CAMK4: variants seen among roughly 807,000 people sequenced by gnomAD.
CAMK4 encodes calcium/calmodulin-dependent protein kinase type IV.
Under a neutral mutation model 44.9 loss-of-function variants are expected in CAMK4, and 22 were observed. The ratio of observed to expected loss-of-function variants is 0.49; its 90% confidence interval spans 0.35 to 0.70. CAMK4 has a LOEUF of 0.70. Among genes scored for constraint, CAMK4 ranks in the 30% least tolerant of loss-of-function variants. The probability of loss-of-function intolerance (pLI) is 0.01; values close to 1 mark genes in which losing one functional copy is unlikely to be tolerated. For synonymous variants in CAMK4, 218 were observed against 215.4 expected (o/e 1.01, Z -0.11); for missense variants, 498 against 586.8 (o/e 0.85, Z 1.56).
At chr5:111,235,031 T>G (rs1047369139) in intron 1 of CAMK4, among the ~76,000 whole-genome samples, 2 of 152,246 alleles carry the variant, frequency 1.3e-5, no homozygotes, top group African/African-American at 4.8e-5. Flanking sequence ...TCTCCCTATT[T>G]TAGGTCTTTA....
intron 5 of CAMK4, among the ~76,000 whole-genome samples, chr5:111,408,962 CCT>C (rs1752535023): frequency 2.0e-5 from 3 of 152,160 alleles, no homozygotes; most frequent in Non-Finnish European, 4.4e-5. Flanking sequence ...GGAAGCTCTG[CCT>C]CTGTGGCTTT....
At chr5:111,356,657 A>C (rs1278155680) in intron 2 of CAMK4, among the ~76,000 whole-genome samples, 1 of 152,188 alleles carries the variant, frequency 6.6e-6, no homozygotes, top group Admixed American at 6.6e-5. Context: ...TAAGTCTTTT[A>C]TCCATCTTGA....
At chr5:111,415,685 A>G (rs1441896266) in intron 5 of CAMK4, among the ~76,000 whole-genome samples, 2 of 152,210 alleles carry the variant, frequency 1.3e-5, no homozygotes, top group Non-Finnish European at 2.9e-5. Context: ...AAGAATGATC[A>G]ATGGAATACA....
chr5:111,473,941 C>A (rs1329632978), intron 8 of CAMK4, among the ~76,000 whole-genome samples: 2 of 151,910 alleles, frequency 1.3e-5, no homozygotes, highest in Admixed American at 1.3e-4. Context: ...TATTTTAATC[C>A]CTGGTATCCC....
At chr5:111,334,903 A>T (rs1749332053) in intron 1 of CAMK4, among the ~76,000 whole-genome samples, 1 of 151,584 alleles carries the variant, frequency 6.6e-6, no homozygotes, top group African/African-American at 2.4e-5. Flanking sequence ...AACATTAGAA[A>T]AAGATAACAA....
rs984216374 is a variant in CAMK4, at chr5:111,268,122, C to T, written c.161+43478C>T. On this transcript the variant is annotated intron_variant, in intron 1 of 10. Transcript: ENST00000282356. ...AGCTTGAGGTAGGCCCTCTACTACT[C>T]ATTATTTTTACTACTGTAGATCCAT... Among the ~76,000 whole-genome samples, 4 of 152,112 alleles carry T rather than the reference C, an allele frequency of 2.6e-5. No homozygotes were observed. In the East Asian group the frequency reaches 5.8e-4, roughly 22 times the overall value.
chr5:111,275,295 C>T (rs544786049), intron 1 of CAMK4, among the ~76,000 whole-genome samples: 1 of 152,142 alleles, frequency 6.6e-6, no homozygotes, highest in South Asian at 2.1e-4. Flanking sequence ...CTCCCGAGAA[C>T]AAGACCAGAA....
intron 5 of CAMK4, among the ~76,000 whole-genome samples, chr5:111,443,470 T>A (rs997230377): frequency 1.3e-5 from 2 of 151,122 alleles, no homozygotes; most frequent in African/African-American, 4.9e-5. Flanking sequence ...CCTTTAGCAT[T>A]TAATTGCTTT....
In CAMK4 at chr5:111,492,075, A is replaced by G. The variant is rs568545559; in HGVS notation, c.*7609A>G. The G allele has an allele frequency of 4.6e-4, 70 of 152,154 alleles. No homozygotes were observed. The highest frequency in any genetic ancestry group is 7.9e-4 in the Non-Finnish European group (54 of 68,028). 9.4% of individuals were successfully genotyped at this position (152,154 alleles called of 1,614,324 possible). A position where few individuals can be genotyped will look rare whatever the true frequency, so the allele number is the denominator to read the frequency against. On this transcript the variant is annotated 3_prime_UTR_variant, in exon 11 of 11. Transcript: ENST00000282356. ...TTCCTTACATATTTAGAAATCCAAG[A>G]AGGGCCCTTGTCTTAGTCTATTTCT...
chr5:111,415,749 C>T (rs1752792213), intron 5 of CAMK4, among the ~76,000 whole-genome samples: 1 of 152,126 alleles, frequency 6.6e-6, no homozygotes, highest in Non-Finnish European at 1.5e-5. Context: ...ACAGTGGGTC[C>T]TCTGTACCTG....
intron 2 of CAMK4, among the ~76,000 whole-genome samples, chr5:111,355,742 A>C (rs1750319883): frequency 6.7e-6 from 1 of 150,228 alleles, no homozygotes; most frequent in Non-Finnish European, 1.5e-5. Context: ...TATGAGTGAG[A>C]ACATGTGGTG....
chr5:111,325,184 C>T lies in CAMK4; in HGVS notation c.162-18840C>T, dbSNP rs555257180. On this transcript the variant is annotated intron_variant, in intron 1 of 10. Coordinates refer to ENST00000282356, the MANE Select transcript of CAMK4 (RefSeq NM_001744.6). Reference sequence around the variant, plus strand: ...TCCCTGCAAAGGACATGAAGTCATCCTTTTTTATGACTATATTGTATTCTG... The same window carrying T: ...TCCCTGCAAAGGACATGAAGTCATCTTTTTTTATGACTATATTGTATTCTG... Among the ~76,000 whole-genome samples, 183 of 151,888 alleles carry T rather than the reference C, an allele frequency of 1.2e-3. 5 individuals are homozygous for T. The South Asian group carries it at 0.036, about 30-fold the overall frequency.
intron 1 of CAMK4, among the ~76,000 whole-genome samples, chr5:111,243,349 G>T (rs912031930): frequency 6.6e-6 from 1 of 152,186 alleles, no homozygotes; most frequent in Non-Finnish European, 1.5e-5. Flanking sequence ...GAAGGATGAG[G>T]AACTTGATCA....
chr5:111,375,718 A>C (rs1325317435), intron 3 of CAMK4, among the ~76,000 whole-genome samples: 1 of 152,184 alleles, frequency 6.6e-6, no homozygotes, highest in East Asian at 1.9e-4. Flanking sequence ...AAAATCAGGC[A>C]GTTTTCTGGC....
At chr5:111,284,840 G>C (rs1450467948) in intron 1 of CAMK4, among the ~76,000 whole-genome samples, 1 of 151,854 alleles carries the variant, frequency 6.6e-6, no homozygotes, top group Non-Finnish European at 1.5e-5. Context: ...CATCTAACTT[G>C]ATTTTTTTTG....
chr5:111,352,792 C>G (rs1750169730), intron 2 of CAMK4, among the ~76,000 whole-genome samples: 1 of 152,082 alleles, frequency 6.6e-6, no homozygotes, highest in Admixed American at 6.6e-5. Context: ...GGTGCACCAT[C>G]ATCCAAACAC....
At chr5:111,368,789 G>A (rs895681941) in intron 2 of CAMK4, among the ~76,000 whole-genome samples, 2 of 151,932 alleles carry the variant, frequency 1.3e-5, no homozygotes, top group African/African-American at 4.8e-5. Flanking sequence ...TTTTCTCCAT[G>A]TTCCTTCTTC....
In CAMK4 at chr5:111,224,431, G is replaced by C. The variant is rs1038880761; in HGVS notation, c.-53G>C. ...GGCGGCGGCTGGCGGCCGGCTTCTC[G>C]CTCGGGCAGCGGCGGCGGCGGCGGC... On this transcript the variant is annotated 5_prime_UTR_variant, in exon 1 of 11. Coordinates refer to ENST00000282356, the MANE Select transcript of CAMK4 (RefSeq NM_001744.6). This position sits in a 1 kb window ranked among gnomAD's most constrained non-coding sequence, Gnocchi z 5.7. 3.3e-6 allele frequency: 5 copies of C among 1,528,986 alleles called. No homozygotes were observed. Among genetic ancestry groups the C allele is most frequent in the Non-Finnish European group, 4.4e-6 (5 of 1,141,220 alleles). 94.7% of individuals were successfully genotyped at this position (1,528,986 alleles called of 1,614,324 possible).
chr5:111,276,246 T>C (rs918213216), intron 1 of CAMK4, among the ~76,000 whole-genome samples: 16 of 152,208 alleles, frequency 1.1e-4, no homozygotes, highest in Admixed American at 8.5e-4. Flanking sequence ...CTGTCTGTTT[T>C]TCTTTTAAAC....
Sources: gnomAD v4.1 joint callset for allele counts (sites outside exome capture counted in the v4.1 genomes callset) on GRCh38, gnomAD v4.1.1 for gene constraint, Gnocchi (gnomAD v3.1) non-coding constraint, MANE v1.5 for transcripts, NCBI Gene and HGNC (gene_info 2026-07-23, HGNC 2026-07-21) for gene names.